DNAAF4: variants seen among roughly 807,000 people sequenced by gnomAD.
DNAAF4 encodes dynein assembly factor 4, axonemal.
In DNAAF4, 43 loss-of-function variants were observed where a neutral mutation model predicts 51.8. The observed-to-expected ratio is 0.83, with a 90% CI of 0.65 to 1.07. The LOEUF (loss-of-function observed/expected upper bound fraction) is 1.07. Ranked by LOEUF, DNAAF4 falls within the 50% of genes least tolerant of loss-of-function variation. DNAAF4 has a pLI of 0.00. For missense variants in DNAAF4, 581 were observed against 493.0 expected, an observed-to-expected ratio of 1.18 and a Z score of -1.69; for synonymous variants, 194 against 165.6, an observed-to-expected ratio of 1.17 and a Z score of -1.32.
At chr15:55,445,958 G>GAT (rs2057797321) in intron 6 of DNAAF4, among the ~76,000 whole-genome samples, 2 of 145,610 alleles carry the variant, frequency 1.4e-5, no homozygotes, top group African/African-American at 2.6e-5. Flanking sequence ...CCTCCCAGAC[G>GAT]GGGCGGCCGG....
At chr15:55,454,979 A>T (rs2057995401) in intron 5 of DNAAF4, among the ~76,000 whole-genome samples, 2 of 151,628 alleles carry the variant, frequency 1.3e-5, no homozygotes, top group Non-Finnish European at 2.9e-5. Flanking sequence ...AAATTATATA[A>T]TTATAGATAA....
chr15:55,444,857 T>A (rs985166072), intron 6 of DNAAF4, among the ~76,000 whole-genome samples: 30 of 152,230 alleles, frequency 2.0e-4, no homozygotes, highest in African/African-American at 7.0e-4. Flanking sequence ...TGTCTGTTAT[T>A]GGTGTATAAG....
In DNAAF4 at chr15:55,498,446, G is replaced by A; in HGVS notation, c.-117C>T. The A allele has an allele frequency of 2.1e-6, 3 of 1,446,148 alleles. No homozygotes were observed. The highest frequency in any genetic ancestry group is 2.5e-5 in the East Asian group (1 of 40,632). 89.6% of individuals were successfully genotyped at this position (1,446,148 alleles called of 1,614,324 possible). A position where few individuals can be genotyped will look rare whatever the true frequency, so the allele number is the denominator to read the frequency against. On this transcript the variant is annotated 5_prime_UTR_variant, in exon 2 of 10. Transcript: ENST00000321149. ...CCGGGTCAGGCCGGCCGGGAGCCCG[G>A]CGTTCCCAGCGTGCTCCGGCGCCAG...
chr15:55,469,501 G>C (rs866824939), intron 4 of DNAAF4, among the ~76,000 whole-genome samples: 1 of 536 alleles, frequency 1.9e-3, no homozygotes, highest in Admixed American at 0.012. Context: ...TTTTTTTTTT[G>C]AGACGGAGTC....
chr15:55,453,453 A>G (rs2141469324), intron 5 of DNAAF4, among the ~76,000 whole-genome samples: 1 of 152,098 alleles, frequency 6.6e-6, no homozygotes, highest in East Asian at 1.9e-4. Context: ...CATTTTAAAC[A>G]TACTTACTTA....
chr15:55,434,998 T>C lies in DNAAF4; in HGVS notation c.954A>G (p.Arg318=). 6.2e-7 allele frequency: 1 copy of C among 1,612,612 alleles called. No homozygotes were observed. The highest frequency in any genetic ancestry group is 8.5e-7 in the Non-Finnish European group (1 of 1,179,608). ...ACAATAGTGGCATCTTATTATTTAGTCTTATGGCTAAATTATATGCATTGA... is the reference window on the plus strand; with the variant it reads ...ACAATAGTGGCATCTTATTATTTAGCCTTATGGCTAAATTATATGCATTGA... ...AAINAYNLAI[R]LNNKMPLLYL... The change falls in exon 8 of 10, where the codon AGA becomes AGG. Residue 318 remains arginine, a synonymous_variant. Coordinates refer to ENST00000321149, the MANE Select transcript of DNAAF4 (RefSeq NM_130810.4).
intron 4 of DNAAF4, among the ~76,000 whole-genome samples, chr15:55,490,687 C>T (rs1469304294): frequency 1.3e-5 from 2 of 152,308 alleles, no homozygotes; most frequent in East Asian, 3.9e-4. Context: ...GGCACGGTGG[C>T]TCACGCCTCT....
chr15:55,442,182 G>C (rs1414232798), intron 6 of DNAAF4, among the ~76,000 whole-genome samples: 1 of 152,160 alleles, frequency 6.6e-6, no homozygotes, highest in African/African-American at 2.4e-5. Context: ...GATGTGGCAT[G>C]ATCTTGGCTC....
At chr15:55,441,658 G>C (rs1431868735) in intron 6 of DNAAF4, among the ~76,000 whole-genome samples, 1 of 151,508 alleles carries the variant, frequency 6.6e-6, no homozygotes, top group Non-Finnish European at 1.5e-5. Flanking sequence ...GTGAGAACAT[G>C]TGGTGTTTGG....
Position 55,435,037 on chromosome 15 carries a change from GT to G in DNAAF4, c.914del (p.Asn305ThrfsTer11). 1.3e-6 allele frequency: 2 copies of G among 1,594,570 alleles called. No homozygotes were observed. The highest frequency in any genetic ancestry group is 1.7e-6 in the Non-Finnish European group (2 of 1,174,282). The part of the protein sequence containing the change: ...DKGNKLFATE[N>X]YLAAINAYNL... ...TATATGCATTGATAGCTGCCAAATA[GT>G]TTTCCGTTGCAAACAATTTGCTAAT... On this transcript the variant is annotated frameshift_variant, in exon 8 of 10. Transcript: ENST00000321149. LOFTEE classifies it high-confidence loss of function.
At chr15:55,447,645 G>A (rs191797080) in intron 6 of DNAAF4, among the ~76,000 whole-genome samples, 4 of 150,230 alleles carry the variant, frequency 2.7e-5, no homozygotes, top group Non-Finnish European at 5.9e-5. Flanking sequence ...AGGCATGGCG[G>A]TGCGTGCCTG....
chr15:55,472,049 AG>A (rs2058263338), intron 4 of DNAAF4, among the ~76,000 whole-genome samples: 1 of 151,446 alleles, frequency 6.6e-6, no homozygotes, highest in East Asian at 2.0e-4. Context: ...CATGTTGGCC[AG>A]GCTGGTGTCA....
At position 55,420,414 on chromosome 15, in the gene DNAAF4, G is replaced by GA. The variant is rs10710792; in HGVS notation, c.1048-2282dup. Among the ~76,000 whole-genome samples the GA allele has an allele frequency of 1.2e-3, 178 of 146,120 alleles. No individual in the cohort carries two copies. The Middle Eastern group carries it at 0.036, about 30-fold the overall frequency. ...ATAATTGGGTCTGAGTATCTTTCTG[G>GA]AAAAAAAAAAAATCATTGTTATTTT... On this transcript the variant is annotated intron_variant, in intron 7 of 7. Transcript: ENST00000448430.
chr15:55,473,058 C>T (rs975369056), intron 4 of DNAAF4, among the ~76,000 whole-genome samples: 14 of 149,986 alleles, frequency 9.3e-5, no homozygotes, highest in African/African-American at 3.2e-4. Flanking sequence ...CCCAGCTATT[C>T]GGGAGGCTGA....
chr15:55,506,430 A>G (rs1045180348), intron 1 of DNAAF4, among the ~76,000 whole-genome samples: 4 of 152,144 alleles, frequency 2.6e-5, no homozygotes, highest in African/African-American at 9.7e-5. Context: ...TATAGGCTGG[A>G]TCATTTTGTA....
chr15:55,498,357 G>C lies in DNAAF4; in HGVS notation c.-28C>G, dbSNP rs1555421795. Reference sequence around the variant, plus strand: ...CGGTAGCAACGGGAGCGGATAGCGCGGCTGGTTGCTTCTTGCGCCTGCTTG... The same window carrying C: ...CGGTAGCAACGGGAGCGGATAGCGCCGCTGGTTGCTTCTTGCGCCTGCTTG... On this transcript the variant is annotated 5_prime_UTR_variant, in exon 2 of 10. Coordinates refer to ENST00000321149, the MANE Select transcript of DNAAF4 (RefSeq NM_130810.4). The C allele has an allele frequency of 4.4e-6, 7 of 1,590,482 alleles. No individual in the cohort carries two copies. The highest frequency in any genetic ancestry group is 1.7e-5 in the Admixed American group (1 of 57,596).
intron 4 of DNAAF4, among the ~76,000 whole-genome samples, chr15:55,482,864 G>T (rs2058431486): frequency 6.6e-6 from 1 of 152,112 alleles, no homozygotes; most frequent in South Asian, 2.1e-4. Flanking sequence ...AAAAAGGAAT[G>T]AAAAACTTAT....
At chr15:55,426,015 T>C (rs964243472), downstream of DNAAF4, among the ~76,000 whole-genome samples, 1 of 152,120 alleles carries the variant, frequency 6.6e-6, no homozygotes, top group African/African-American at 2.4e-5. Flanking sequence ...GCCCAAGCAT[T>C]TGGGAATCAG....
At chr15:55,441,013 G>A (rs2057702852) in intron 6 of DNAAF4, among the ~76,000 whole-genome samples, 1 of 151,352 alleles carries the variant, frequency 6.6e-6, no homozygotes, top group Non-Finnish European at 1.5e-5. Flanking sequence ...ATAGCTGGTG[G>A]AAATACAATA....
Sources: allele counts gnomAD v4.1 joint callset (sites outside exome capture counted in the v4.1 genomes callset), GRCh38; gene constraint gnomAD v4.1.1; transcripts MANE v1.5; gene names NCBI Gene and HGNC (gene_info 2026-07-23, HGNC 2026-07-21).